Variants in PAMR1 observed in about 807,000 individuals in gnomAD.
PAMR1 encodes inactive serine protease PAMR1.
PAMR1 carries 88 observed loss-of-function variants against 81.8 expected under a neutral mutation model. The ratio of observed to expected loss-of-function variants is 1.08; its 90% CI spans 0.91 to 1.28. PAMR1 has a LOEUF of 1.28. PAMR1 is among the 50% of genes most tolerant of loss of function. The pLI, the probability that PAMR1 is intolerant of heterozygous loss-of-function variation, is 0.00. For synonymous variants in PAMR1, 336 were observed against 345.3 expected (o/e 0.97, Z 0.30); for missense variants, 935 against 919.7 (o/e 1.02, Z -0.21).
rs147384327 is a variant in PAMR1 at position 35,485,527 on chromosome 11, T to C, written c.379+6518A>G. On this transcript the variant is annotated intron_variant, in intron 3 of 10. Coordinates refer to ENST00000619888, the MANE Select transcript of PAMR1 (RefSeq NM_001001991.3). The stretch of plus-strand genomic sequence containing the variant: ...TGGGCAGAAAGATGTGAATAAGTTC[T>C]CTCCTGGGCTCAATAGCCTCAGGCC... 1.1e-4 allele frequency among the ~76,000 whole-genome samples: 16 copies of C among 152,346 alleles called. No individual in the cohort carries two copies. In the East Asian group the frequency reaches 2.9e-3, roughly 28 times the overall value.
chr11:35,507,252 G>T lies in PAMR1; in HGVS notation c.74-12980C>A, dbSNP rs547597565. On this transcript the variant is annotated intron_variant, in intron 1 of 10. Coordinates refer to ENST00000619888, the MANE Select transcript of PAMR1 (RefSeq NM_001001991.3). ...AGTAGAGATGGGGTTTCTCCATGTG[G>T]GTCAGGCTGGTCTTGAACTCCCGAC... is the stretch of plus-strand genomic sequence containing the variant. Among the ~76,000 whole-genome samples the T allele has an allele frequency of 2.0e-5, 3 of 151,674 alleles. No homozygotes were observed. In the South Asian group the frequency reaches 6.3e-4, roughly 32 times the overall value.
intron 2 of PAMR1, 52 bp from the exon 3 acceptor site, chr11:35,492,225 G>T (rs1464471798): frequency 1.9e-6 from 3 of 1,602,806 alleles, no homozygotes; most frequent in South Asian, 1.1e-5. Context: ...TGCGAGTTCT[G>T]ATCAGCTGCA....
At chr11:35,496,956 A>G (rs1850736214) in intron 1 of PAMR1, among the ~76,000 whole-genome samples, 1 of 152,214 alleles carries the variant, frequency 6.6e-6, no homozygotes, top group Non-Finnish European at 1.5e-5. Context: ...ACTTGAGGCC[A>G]GGAGTTTGAG....
chr11:35,526,550 C>T (rs1161902077), upstream of PAMR1, among the ~76,000 whole-genome samples: 1 of 152,174 alleles, frequency 6.6e-6, no homozygotes, highest in Non-Finnish European at 1.5e-5. Flanking sequence ...TCAATTATTC[C>T]TCACAATAAA....
At chr11:35,520,366 A>G (rs550486843) in intron 1 of PAMR1, among the ~76,000 whole-genome samples, 13 of 152,304 alleles carry the variant, frequency 8.5e-5, no homozygotes, top group South Asian at 2.1e-4. Flanking sequence ...GCCTTCCTTG[A>G]GCAGTTCTGT....
intron 4 of PAMR1, among the ~76,000 whole-genome samples, chr11:35,473,987 T>C (rs1850237131): frequency 6.6e-6 from 1 of 152,212 alleles, no homozygotes; most frequent in Non-Finnish European, 1.5e-5. Flanking sequence ...CATGCAACTA[T>C]AGTGTGCCAT....
chr11:35,483,473 G>A (rs1590362152), intron 3 of PAMR1, among the ~76,000 whole-genome samples: 2 of 152,006 alleles, frequency 1.3e-5, no homozygotes, highest in East Asian at 3.9e-4. Context: ...TCTTTGCCTT[G>A]GAGTCTCTTC....
chr11:35,488,197 C>CTTTTTT (rs35884320), intron 3 of PAMR1, among the ~76,000 whole-genome samples: 5 of 88,026 alleles, frequency 5.7e-5, no homozygotes, highest in African/African-American at 8.6e-5. Flanking sequence ...CCTTTCCCAT[C>CTTTTTT]TTTTTTTTTT....
upstream of PAMR1, among the ~76,000 whole-genome samples, chr11:35,529,172 C>T (rs191825846): frequency 6.6e-6 from 1 of 152,082 alleles, no homozygotes; most frequent in East Asian, 1.9e-4. Flanking sequence ...TCTGGAAGCT[C>T]CTGGTTGAGA....
Position 35,483,481 on chromosome 11 carries a change from T to C in PAMR1, c.379+8564A>G, listed in dbSNP as rs568428603. On this transcript the variant is annotated intron_variant, in intron 3 of 10. Transcript: ENST00000619888. ...AGGATTGTCTTTGCCTTGGAGTCTC[T>C]TCTAGATTTAAGTTCAACTGGTCAG... is the stretch of plus-strand genomic sequence containing the variant. 2.0e-5 allele frequency among the ~76,000 whole-genome samples: 3 copies of C among 152,206 alleles called. No individual in the cohort carries two copies. In the East Asian group the frequency reaches 5.8e-4, roughly 29 times the overall value.
chr11:35,516,006 A>G (rs6484791), intron 1 of PAMR1, among the ~76,000 whole-genome samples: 53,679 of 152,032 alleles, frequency 0.35, 9,915 homozygotes, highest in East Asian at 0.62. Context: ...AGAACAGTAC[A>G]AGAAGGAAGG....
chr11:35,465,709 G>A (rs1233284959), intron 6 of PAMR1, among the ~76,000 whole-genome samples: 2 of 152,142 alleles, frequency 1.3e-5, no homozygotes, highest in Non-Finnish European at 2.9e-5. Context: ...ATATCCACTG[G>A]TAACACCTTC....
At chr11:35,496,672 A>T (rs1850731501) in intron 1 of PAMR1, among the ~76,000 whole-genome samples, 1 of 152,208 alleles carries the variant, frequency 6.6e-6, no homozygotes, top group South Asian at 2.1e-4. Flanking sequence ...TAGAAATGTG[A>T]AATGGTGCAG....
At chr11:35,447,877 G>T (rs1262697382) in intron 6 of PAMR1, among the ~76,000 whole-genome samples, 1 of 152,138 alleles carries the variant, frequency 6.6e-6, no homozygotes, top group Admixed American at 6.6e-5. Context: ...GTCTGAAAGG[G>T]ATTTTATTTC....
chr11:35,527,444 G>A (rs1473111920), upstream of PAMR1, among the ~76,000 whole-genome samples: 1 of 152,100 alleles, frequency 6.6e-6, no homozygotes, highest in African/African-American at 2.4e-5. Flanking sequence ...AACATCTCAT[G>A]GTATGAGTCT....
At chr11:35,476,414 A>G (rs1850285827) in intron 3 of PAMR1, among the ~76,000 whole-genome samples, 1 of 152,118 alleles carries the variant, frequency 6.6e-6, no homozygotes, top group African/African-American at 2.4e-5. Context: ...TGTGATAGTG[A>G]GTGAGTTTTC....
chr11:35,510,107 T>C (rs1451479611), intron 1 of PAMR1, among the ~76,000 whole-genome samples: 1 of 152,206 alleles, frequency 6.6e-6, no homozygotes, highest in Non-Finnish European at 1.5e-5. Flanking sequence ...GGATAAAATA[T>C]TTTTTTCTTT....
intron 3 of PAMR1, among the ~76,000 whole-genome samples, chr11:35,478,173 TC>T (rs1393663927): frequency 6.6e-6 from 1 of 152,068 alleles, no homozygotes; most frequent in Admixed American, 6.5e-5. Context: ...CTCAGGCCCC[TC>T]CCCAAATCCA....
rs1189476731 is a variant in PAMR1, at chr11:35,474,733, C to A, written c.391G>T (p.Val131Phe). ...YGGDCMRCGQ[V>F]LRAPKGQILL... ...ATCTGACCCTTTGGGGCTCGCAGAACCTGGCCACATCCTAAGAAAAGAAGA... is the reference window on the plus strand; with the variant it reads ...ATCTGACCCTTTGGGGCTCGCAGAAACTGGCCACATCCTAAGAAAAGAAGA... The change falls in exon 4 of 11, where the codon GTT (valine) becomes TTT (phenylalanine). Residue 131 changes from valine (V) to phenylalanine (F), a missense_variant. Transcript: ENST00000619888. The A allele has an allele frequency of 1.2e-6, 2 of 1,607,936 alleles. No individual in the cohort carries two copies. Among genetic ancestry groups the A allele is most frequent in the Admixed American group, 1.7e-5 (1 of 59,134 alleles).
Sources: allele counts gnomAD v4.1 joint callset (sites outside exome capture counted in the v4.1 genomes callset), GRCh38; gene constraint gnomAD v4.1.1; transcripts MANE v1.5; gene names NCBI Gene and HGNC (gene_info 2026-07-23, HGNC 2026-07-21).